The following CDK6 variants were observed in gnomAD, a reference collection of about 807,000 sequenced individuals.
CDK6 encodes the protein cyclin-dependent kinase 6.
In CDK6, 6 loss-of-function variants were observed where a neutral mutation model predicts 37.1. That is an observed-to-expected ratio of 0.16 (90% confidence interval 0.09 to 0.32). CDK6 has a LOEUF of 0.32. CDK6 is among the 10% of genes least tolerant of loss of function. The probability of loss-of-function intolerance (pLI) is 1.00; values close to 1 mark genes in which losing one functional copy is unlikely to be tolerated. For missense variants in CDK6, 224 were observed against 418.9 expected, an observed-to-expected ratio of 0.53 and a Z score of 4.06; for synonymous variants, 160 against 161.3, an observed-to-expected ratio of 0.99 and a Z score of 0.06.
chr7:92,705,448 T>C (rs1334055217), intron 4 of CDK6, among the ~76,000 whole-genome samples: 2 of 152,196 alleles, frequency 1.3e-5, no homozygotes, highest in African/African-American at 4.8e-5. Context: ...CAAATCATTG[T>C]TCCTGGTCTC....
intron 4 of CDK6, among the ~76,000 whole-genome samples, chr7:92,687,680 C>T (rs757764573): frequency 9.9e-5 from 15 of 152,164 alleles, no homozygotes; most frequent in Non-Finnish European, 1.9e-4. Flanking sequence ...TCTATTTATA[C>T]TGAGGTGTAC....
chr7:92,780,858 G>T (rs1164186800), intron 2 of CDK6, among the ~76,000 whole-genome samples: 1 of 151,298 alleles, frequency 6.6e-6, no homozygotes, highest in East Asian at 1.9e-4. Context: ...ACAACTGCAT[G>T]ATTCCTTATA....
intron 3 of CDK6, among the ~76,000 whole-genome samples, chr7:92,752,078 C>T (rs957610495): frequency 6.6e-6 from 1 of 152,134 alleles, no homozygotes; most frequent in Non-Finnish European, 1.5e-5. Context: ...TGGCTCTATA[C>T]TTGTGTGAAC....
chr7:92,717,110 G>A (rs1798245384), intron 4 of CDK6, among the ~76,000 whole-genome samples: 1 of 152,032 alleles, frequency 6.6e-6, no homozygotes, highest in African/African-American at 2.4e-5. Context: ...ACTTTGGGAG[G>A]CTGAGACAAG....
Position 92,606,038 on chromosome 7 carries a change from A to G in CDK6, c.*9102T>C, listed in dbSNP as rs911708422. ...TTCTGTAGCAATATAAGCAAACGGA[A>G]TAAGAATAATTATGCACCTTTAAGG... On this transcript the variant is annotated 3_prime_UTR_variant, in exon 8 of 8. Coordinates refer to ENST00000424848, the MANE Select transcript of CDK6 (RefSeq NM_001145306.2). The G allele has an allele frequency of 9.8e-5, 23 of 233,588 alleles. No individual in the cohort carries two copies. Among genetic ancestry groups the G allele is most frequent in the African/African-American group, 4.8e-4 (22 of 45,362 alleles). The allele number at this position is 233,588 out of a possible 1,614,324, so 14.5% of individuals were successfully genotyped here. A position where few individuals can be genotyped will look rare whatever the true frequency, so the allele number is the denominator to read the frequency against.
intron 5 of CDK6, among the ~76,000 whole-genome samples, chr7:92,637,391 A>G (rs544446861): frequency 1.3e-5 from 2 of 152,348 alleles, no homozygotes; most frequent in Non-Finnish European, 2.9e-5. Context: ...AATGAAATTC[A>G]GATTCTTTCA....
intron 2 of CDK6, among the ~76,000 whole-genome samples, chr7:92,803,767 T>C (rs2115910022): frequency 6.6e-6 from 1 of 152,312 alleles, no homozygotes; most frequent in East Asian, 1.9e-4. Flanking sequence ...AGGTTTATAT[T>C]GATTGACTCC....
intron 6 of CDK6, among the ~76,000 whole-genome samples, chr7:92,622,159 C>T (rs1181395909): frequency 7.2e-5 from 11 of 151,860 alleles, no homozygotes; most frequent in Non-Finnish European, 1.5e-5. Flanking sequence ...GCCTTTCAAA[C>T]ACAAAAAACC....
At chr7:92,759,818 C>G (rs1432816312) in intron 3 of CDK6, among the ~76,000 whole-genome samples, 1 of 151,654 alleles carries the variant, frequency 6.6e-6, no homozygotes, top group Non-Finnish European at 1.5e-5. Context: ...GTATATTGTC[C>G]TTGAGTGGAC....
At chr7:92,763,815 G>T (rs1799514794) in intron 3 of CDK6, among the ~76,000 whole-genome samples, 1 of 152,146 alleles carries the variant, frequency 6.6e-6, no homozygotes, top group South Asian at 2.1e-4. Context: ...TACTGCGGGG[G>T]TTGGGAGTAT....
At chr7:92,777,077 G>A (rs962808381) in intron 2 of CDK6, among the ~76,000 whole-genome samples, 1 of 152,032 alleles carries the variant, frequency 6.6e-6, no homozygotes, top group Non-Finnish European at 1.5e-5. Flanking sequence ...ATTACTTTTT[G>A]TATAAGGTAT....
At chr7:92,821,384 C>G (rs1801168037) in intron 2 of CDK6, among the ~76,000 whole-genome samples, 1 of 152,132 alleles carries the variant, frequency 6.6e-6, no homozygotes, top group Non-Finnish European at 1.5e-5. Context: ...TCACTGTGCT[C>G]TGTCTGAATT....
At chr7:92,774,919 A>C (rs1799811225) in intron 2 of CDK6, 88 bp from the exon 3 acceptor site, 45 of 1,282,902 alleles carry the variant, frequency 3.5e-5, no homozygotes, top group South Asian at 4.3e-5. Context: ...ATTTGGTCTC[A>C]TAATAGAAAA....
In CDK6 at chr7:92,827,068, C is replaced by T. The variant is rs536740570; in HGVS notation, c.233+6023G>A. ...AAACCTCTGTCTGAATCTTAGCCAT[C>T]CTCAATCAGTTTATATCTACAATGC... On this transcript the variant is annotated intron_variant, in intron 2 of 7. Coordinates refer to ENST00000424848, the MANE Select transcript of CDK6 (RefSeq NM_001145306.2). Among the ~76,000 whole-genome samples, 27 of 152,270 alleles carry T rather than the reference C, an allele frequency of 1.8e-4. No individual in the cohort carries two copies. The South Asian group carries it at 3.7e-3, about 21-fold the overall frequency.
chr7:92,658,216 T>C (rs569827779), intron 5 of CDK6, among the ~76,000 whole-genome samples: 1 of 152,134 alleles, frequency 6.6e-6, no homozygotes, highest in African/African-American at 2.4e-5. Flanking sequence ...ATTTAAAAAA[T>C]TTGCATGTCA....
intron 2 of CDK6, among the ~76,000 whole-genome samples, chr7:92,801,609 T>C (rs941124554): frequency 1.3e-5 from 2 of 151,764 alleles, no homozygotes; most frequent in African/African-American, 4.8e-5. Flanking sequence ...AGAAAGAATA[T>C]TCTCTTTCCC....
chr7:92,699,731 T>C (rs1300673494), intron 4 of CDK6, among the ~76,000 whole-genome samples: 15 of 152,240 alleles, frequency 9.9e-5, no homozygotes, highest in Admixed American at 9.2e-4. Context: ...GAAGTCATCA[T>C]ATCTGTTCTC....
At chr7:92,775,858 C>T (rs1006077394) in intron 2 of CDK6, among the ~76,000 whole-genome samples, 2 of 151,972 alleles carry the variant, frequency 1.3e-5, no homozygotes, top group African/African-American at 2.4e-5. Flanking sequence ...GCATAGAGTC[C>T]AATAACTGAT....
At chr7:92,674,172 G>A (rs1413525453) in intron 4 of CDK6, among the ~76,000 whole-genome samples, 1 of 147,924 alleles carries the variant, frequency 6.8e-6, no homozygotes, top group East Asian at 2.0e-4. Flanking sequence ...ATATCCCATC[G>A]CTCTTGTCTC....
Sources: allele counts gnomAD v4.1 joint callset (sites outside exome capture counted in the v4.1 genomes callset), GRCh38; gene constraint gnomAD v4.1.1; transcripts MANE v1.5; gene names NCBI Gene and HGNC (gene_info 2026-07-23, HGNC 2026-07-21).